The following FBXO31 variants were observed in gnomAD, a reference collection of about 807,000 sequenced individuals.
FBXO31 encodes the protein F-box only protein 31.
Under a neutral mutation model 54.4 loss-of-function variants are expected in FBXO31, and 24 were observed. That is an observed-to-expected ratio of 0.44 (90% CI 0.32 to 0.62). FBXO31 has a LOEUF of 0.62. Ranked by LOEUF, FBXO31 falls within the 20% of genes least tolerant of loss-of-function variation. FBXO31 has a pLI of 0.05. For missense variants in FBXO31, 665 were observed against 787.1 expected (o/e 0.84, Z 1.86); for synonymous variants, 388 against 335.6 (o/e 1.16, Z -1.71).
In FBXO31 at chr16:87,327,533, G is replaced by C. The variant is rs1186141905; in HGVS notation, c.*3755C>G. On this transcript the variant is annotated 3_prime_UTR_variant, in exon 9 of 9. Transcript: ENST00000311635. ...CCAAGCATGGTGGTGGTGGGTGCCTGTGGTCCCAGCTACTTGGGAGGCTAA... is the reference window on the plus strand; with the variant it reads ...CCAAGCATGGTGGTGGTGGGTGCCTCTGGTCCCAGCTACTTGGGAGGCTAA... The C allele has an allele frequency of 2.0e-5, 3 of 152,328 alleles. No individual in the cohort carries two copies. The highest frequency in any genetic ancestry group is 7.2e-5 in the African/African-American group (3 of 41,452). The allele number at this position is 152,328 out of a possible 1,614,324, so 9.4% of individuals were successfully genotyped here. A position where few individuals can be genotyped will look rare whatever the true frequency, so the allele number is the denominator to read the frequency against.
intron 5 of FBXO31, among the ~76,000 whole-genome samples, chr16:87,340,020 C>T (rs1028119461): frequency 1.3e-5 from 2 of 152,230 alleles, no homozygotes; most frequent in East Asian, 3.9e-4. Context: ...CGGTGGCTCG[C>T]GCCTGTAATC....
rs529610810 is a variant in FBXO31, at chr16:87,327,995, C to G, written c.*3293G>C. On this transcript the variant is annotated 3_prime_UTR_variant, in exon 9 of 9. Transcript: ENST00000311635. ...TCTCCTGTTCGCACCCAAGACCCCA[C>G]GGCCATGAGGACAACACGAGCTCAG... 1.3e-5 allele frequency: 2 copies of G among 152,286 alleles called. No homozygotes were observed. The highest frequency in any genetic ancestry group is 2.9e-5 in the Non-Finnish European group (2 of 68,106). The allele number at this position is 152,286 out of a possible 1,614,324, so 9.4% of individuals were successfully genotyped here. A position where few individuals can be genotyped will look rare whatever the true frequency, so the allele number is the denominator to read the frequency against.
Position 87,334,075 on chromosome 16 carries a change from C to T in FBXO31, c.1208G>A (p.Ser403Asn), listed in dbSNP as rs549627604. 6.8e-6 allele frequency: 11 copies of T among 1,610,948 alleles called. No homozygotes were observed. In the South Asian group the frequency reaches 8.8e-5, roughly 13 times the overall value. ...CGCCTCTGCCCTGGGCTGGGCAGGG[C>T]TTGGCTGGGACTCCCGGGGGCCCTG... ...GRQGPRESQPSPAQPRAEAPS... is the reference protein window; with the variant it reads ...GRQGPRESQPNPAQPRAEAPS... Residue 403 changes from serine to asparagine, a missense_variant, in exon 8 of 9, where the codon AGC becomes AAC. Coordinates refer to ENST00000311635, the MANE Select transcript of FBXO31 (RefSeq NM_024735.5).
chr16:87,339,584 A>G (rs1203297643), intron 5 of FBXO31, among the ~76,000 whole-genome samples: 1 of 152,182 alleles, frequency 6.6e-6, no homozygotes, highest in Non-Finnish European at 1.5e-5. Flanking sequence ...TACCTGGGAC[A>G]GTGGCACCCT....
Position 87,383,598 on chromosome 16 carries a change from C to A in FBXO31, c.147G>T (p.Gly49=), listed in dbSNP as rs1294652051. The change falls in exon 1 of 9, where the codon GGG becomes GGT. Residue 49 remains glycine, a synonymous_variant. Transcript: ENST00000311635. The surrounding 1 kb of genome is among the most constrained non-coding windows in gnomAD (Gnocchi z 4.9). ...PEEERIEASA[G]VGGGLCAGPS... ...GGCCCGCGCACAAGCCGCCCCCGAC[C>A]CCGGCGCTAGCCTCGATGCGCTCCT... is the stretch of plus-strand genomic sequence containing the variant. The A allele has an allele frequency of 2.7e-6, 4 of 1,475,472 alleles. No individual in the cohort carries two copies. The Admixed American group carries it at 1.0e-4, about 37-fold the overall frequency. 91.4% of individuals were successfully genotyped at this position (1,475,472 alleles called of 1,614,324 possible).
chr16:87,381,633 T>C (rs1907081530), intron 1 of FBXO31, among the ~76,000 whole-genome samples: 1 of 152,246 alleles, frequency 6.6e-6, no homozygotes, highest in African/African-American at 2.4e-5. Context: ...GTTCTTCTCA[T>C]GCAGACCTCC....
chr16:87,373,739 C>G (rs572180389), intron 1 of FBXO31, among the ~76,000 whole-genome samples: 3 of 152,086 alleles, frequency 2.0e-5, no homozygotes, highest in Non-Finnish European at 4.4e-5. Flanking sequence ...CACTTCTTCC[C>G]GAGATGACCC....
intron 1 of FBXO31, among the ~76,000 whole-genome samples, chr16:87,370,128 G>A (rs180956946): frequency 6.6e-6 from 1 of 152,154 alleles, no homozygotes; most frequent in South Asian, 2.1e-4. Context: ...GAATGCTTTG[G>A]AAGAGCCCTT....
chr16:87,367,828 A>C (rs973825109), intron 1 of FBXO31: 1 of 152,222 alleles, frequency 6.6e-6, no homozygotes, highest in Non-Finnish European at 1.5e-5. Context: ...CTGAAGTCAT[A>C]AGCCAGTCCT....
rs1904963882 is a variant in FBXO31 at position 87,334,138 on chromosome 16, T to C, written c.1145A>G (p.Gln382Arg). The C allele has an allele frequency of 6.2e-7, 1 of 1,612,056 alleles. No individual in the cohort carries two copies. Among genetic ancestry groups the C allele is most frequent in the Admixed American group, 1.7e-5 (1 of 59,972 alleles). ...CTCGCCCGCCTCGTGCCCGCCTTCC[T>C]GCTGCTCCTGGCGCACCCTCTCGCG... Reference protein sequence around the residue: ...EVRERVRQEQQEGGHEAGEGR... With the variant: ...EVRERVRQEQREGGHEAGEGR... The change falls in exon 8 of 9, where the codon CAG becomes CGG. Residue 382 changes from glutamine (Q) to arginine (R), a missense_variant. Physicochemically the swap from Gln to Arg is conservative, Grantham distance 43. Transcript: ENST00000311635.
At chr16:87,333,858 C>G (rs1325822351) in intron 8 of FBXO31, 28 bp downstream of exon 8, 2 of 1,561,728 alleles carry the variant, frequency 1.3e-6, no homozygotes, top group Admixed American at 1.8e-5. Flanking sequence ...GTCCCACCTT[C>G]AGGCCCCAGT....
chr16:87,331,008 ACGCG>A lies in FBXO31; in HGVS notation c.*276_*279del. ...CGGGAACCCCACCGCTTCAATTCTC[ACGCG>A]GTCCCACGGCTGTCCCCTACATCTG... is the stretch of plus-strand genomic sequence containing the variant. On this transcript the variant is annotated 3_prime_UTR_variant, in exon 9 of 9. Coordinates refer to ENST00000311635, the MANE Select transcript of FBXO31 (RefSeq NM_024735.5). 1 of 369,314 alleles carries A rather than the reference ACGCG, an allele frequency of 2.7e-6. No homozygotes were observed. The highest frequency in any genetic ancestry group is 5.1e-6 in the Non-Finnish European group (1 of 197,704). The allele number at this position is 369,314 out of a possible 1,614,324, so 22.9% of individuals were successfully genotyped here. A position where few individuals can be genotyped will look rare whatever the true frequency, so the allele number is the denominator to read the frequency against.
intron 5 of FBXO31, 27 bp downstream of exon 5, chr16:87,342,850 G>A: frequency 6.3e-7 from 1 of 1,579,866 alleles, no homozygotes; most frequent in Non-Finnish European, 8.6e-7. Context: ...CGCACCATAT[G>A]AACACAGGGC....
chr16:87,348,666 G>A (rs1905505545), intron 2 of FBXO31, among the ~76,000 whole-genome samples: 1 of 152,178 alleles, frequency 6.6e-6, no homozygotes, highest in South Asian at 2.1e-4. Context: ...TCACCCATCT[G>A]GGTCGCTGGA....
intron 1 of FBXO31, among the ~76,000 whole-genome samples, chr16:87,364,811 C>G (rs1036079541): frequency 1.3e-5 from 2 of 151,038 alleles, no homozygotes; most frequent in African/African-American, 2.4e-5. Flanking sequence ...TACCTGAGCT[C>G]AGGAGTTAGA....
Position 87,346,902 on chromosome 16 carries a change from G to A in FBXO31, c.489+272C>T, listed in dbSNP as rs12921590. 0.012 allele frequency among the ~76,000 whole-genome samples: 1,885 copies of A among 152,344 alleles called. 14 individuals are homozygous for A. The highest frequency in any genetic ancestry group is 0.019 in the Non-Finnish European group (1,303 of 68,034). On this transcript the variant is annotated intron_variant, in intron 3 of 8. Transcript: ENST00000311635. The surrounding 1 kb of genome is among the most constrained non-coding windows in gnomAD (Gnocchi z 4.2). Reference sequence around the variant, plus strand: ...CAACATGTGCGCGATGGGCCTCAGCGTCCAGGAAGCAAAGGCCCTCACAAG... The same window carrying A: ...CAACATGTGCGCGATGGGCCTCAGCATCCAGGAAGCAAAGGCCCTCACAAG...
chr16:87,349,313 T>C (rs1296555938), intron 2 of FBXO31, among the ~76,000 whole-genome samples: 3 of 151,718 alleles, frequency 2.0e-5, no homozygotes, highest in Non-Finnish European at 4.4e-5. Flanking sequence ...ATGAAGAAAA[T>C]AAAATATAAT....
In FBXO31 at chr16:87,339,051, G is replaced by A. The variant is rs937194424; in HGVS notation, c.733-2787C>T. Among the ~76,000 whole-genome samples the A allele has an allele frequency of 3.9e-5, 6 of 152,210 alleles. No individual in the cohort carries two copies. The East Asian group carries it at 1.2e-3, about 29-fold the overall frequency. On this transcript the variant is annotated intron_variant, in intron 5 of 8. Transcript: ENST00000311635. The stretch of plus-strand genomic sequence containing the variant: ...CGCCTTTCGCCTTCCACCATGATTT[G>A]AGGCCTCCCCAGCCACATGGAACTG...
rs1410593760 is a variant in FBXO31, at chr16:87,338,214, G to C, written c.733-1950C>G. ...ATGTTTATTATGAAATTACTCATCAGAGCAACACATACAAGCCACAAGAAA... is the reference window on the plus strand; with the variant it reads ...ATGTTTATTATGAAATTACTCATCACAGCAACACATACAAGCCACAAGAAA... On this transcript the variant is annotated intron_variant, in intron 5 of 8. Coordinates refer to ENST00000311635, the MANE Select transcript of FBXO31 (RefSeq NM_024735.5). This position sits in a 1 kb window ranked among gnomAD's most constrained non-coding sequence, Gnocchi z 4.3. Among the ~76,000 whole-genome samples, 7 of 150,628 alleles carry C rather than the reference G, an allele frequency of 4.6e-5. No individual in the cohort carries two copies. The highest frequency in any genetic ancestry group is 2.9e-5 in the Non-Finnish European group (2 of 67,802).
Sources: allele counts gnomAD v4.1 joint callset (sites outside exome capture counted in the v4.1 genomes callset), GRCh38; gene constraint gnomAD v4.1.1; non-coding constraint Gnocchi (gnomAD v3.1); transcripts MANE v1.5; gene names NCBI Gene and HGNC (gene_info 2026-07-23, HGNC 2026-07-21).